Variants in PCDH15 observed in about 807,000 individuals in gnomAD.
PCDH15 encodes protocadherin-15.
Under a neutral mutation model 178.5 loss-of-function variants are expected in PCDH15, and 129 were observed. That is an observed-to-expected ratio of 0.72 (90% CI 0.63 to 0.84). The LOEUF (loss-of-function observed/expected upper bound fraction) is 0.84, where lower values mean the gene tolerates loss of function less well. Ranked by LOEUF, PCDH15 falls within the 40% of genes least tolerant of loss-of-function variation. The probability of loss-of-function intolerance (pLI) is 0.00; values close to 1 mark genes in which losing one functional copy is unlikely to be tolerated. For synonymous variants in PCDH15, 800 were observed against 732.0 expected (o/e 1.09, Z -1.50); for missense variants, 2,230 against 2,099.9 (o/e 1.06, Z -1.21).
At position 55,180,947 on chromosome 10, in the gene PCDH15, A is replaced by G. The variant is rs114420302; in HGVS notation, c.-155-14296T>C. 3.4e-3 allele frequency among the ~76,000 whole-genome samples: 512 copies of G among 152,200 alleles called. 3 individuals carry two copies. The highest frequency in any genetic ancestry group is 0.012 in the African/African-American group (496 of 41,544). ...AGAGGGGGAAAACTCAGAGAAAAAA[A>G]ACATATTTTTTTAATACTAAAAGAT... On this transcript the variant is annotated intron_variant, in intron 1 of 5. Coordinates refer to the PCDH15 transcript ENST00000458638.
intron 2 of PCDH15, among the ~76,000 whole-genome samples, chr10:55,582,628 A>ATATATATATATATATT (rs780312007): frequency 1.4e-4 from 10 of 69,042 alleles, no homozygotes; most frequent in African/African-American, 4.6e-4. Flanking sequence ...ATATATATAT[A>ATATATATATATATATT]TTTTTTTTTT....
chr10:55,125,729 GT>G (rs1043172324), intron 2 of PCDH15, among the ~76,000 whole-genome samples: 1 of 152,016 alleles, frequency 6.6e-6, no homozygotes, highest in Non-Finnish European at 1.5e-5. Flanking sequence ...AACAGCATCA[GT>G]TTTTTTGTTT....
intron 6 of PCDH15, among the ~76,000 whole-genome samples, chr10:54,331,258 C>T (rs1270351000): frequency 6.6e-6 from 1 of 151,496 alleles, no homozygotes; most frequent in African/African-American, 2.4e-5. Flanking sequence ...TGATCTGTCT[C>T]CTTTCTTTCT....
intron 18 of PCDH15, among the ~76,000 whole-genome samples, chr10:54,034,312 T>G (rs1357056771): frequency 6.6e-6 from 1 of 151,910 alleles, no homozygotes; most frequent in Non-Finnish European, 1.5e-5. Context: ...TTACACACAT[T>G]GTCACAATTT....
At chr10:55,500,578 A>G (rs1348818765) in intron 2 of PCDH15, among the ~76,000 whole-genome samples, 5 of 151,808 alleles carry the variant, frequency 3.3e-5, no homozygotes, top group African/African-American at 1.2e-4. Flanking sequence ...AGAGACCCAA[A>G]TTCTTCAGTT....
chr10:53,914,669 C>G (rs559439529), intron 25 of PCDH15, among the ~76,000 whole-genome samples: 1 of 152,026 alleles, frequency 6.6e-6, no homozygotes, highest in African/African-American at 2.4e-5. Flanking sequence ...ATGTAAATGT[C>G]GAGTTAATGG....
At chr10:55,464,267 A>G (rs1839780890) in intron 2 of PCDH15, among the ~76,000 whole-genome samples, 1 of 152,194 alleles carries the variant, frequency 6.6e-6, no homozygotes, top group African/African-American at 2.4e-5. Context: ...GCTGAGAAAC[A>G]TCATAAAGAT....
At chr10:53,985,650 T>G (rs557816560) in intron 21 of PCDH15, among the ~76,000 whole-genome samples, 11 of 152,036 alleles carry the variant, frequency 7.2e-5, no homozygotes, top group Admixed American at 4.6e-4. Flanking sequence ...CGAGAAAAGA[T>G]CAAGCAGGGA....
intron 18 of PCDH15, among the ~76,000 whole-genome samples, chr10:54,046,310 GGCACATGA>G (rs2093654399): frequency 6.6e-6 from 1 of 152,098 alleles, no homozygotes. Flanking sequence ...GAGAAACTCA[GGCACATGA>G]GCGCCAGGAG....
intron 1 of PCDH15, among the ~76,000 whole-genome samples, chr10:55,294,481 A>G (rs1249889512): frequency 6.6e-6 from 1 of 152,206 alleles, no homozygotes; most frequent in African/African-American, 2.4e-5. Context: ...TCTGAAGTAA[A>G]TGTTCTTGGT....
chr10:55,490,958 T>G (rs1565191598), intron 2 of PCDH15, among the ~76,000 whole-genome samples: 1 of 151,814 alleles, frequency 6.6e-6, no homozygotes, highest in Non-Finnish European at 1.5e-5. Flanking sequence ...ATTGATCCTA[T>G]TCTCAATAAT....
chr10:54,351,886 T>C (rs1299453132), intron 5 of PCDH15, among the ~76,000 whole-genome samples: 1 of 152,144 alleles, frequency 6.6e-6, no homozygotes, highest in African/African-American at 2.4e-5. Flanking sequence ...ATAACCATAA[T>C]AGGACCCAAT....
chr10:55,480,284 G>A (rs1465041459), intron 2 of PCDH15, among the ~76,000 whole-genome samples: 2 of 151,562 alleles, frequency 1.3e-5, no homozygotes, highest in Admixed American at 1.3e-4. Flanking sequence ...AACAGGAATA[G>A]CTTGACTTCC....
At chr10:55,478,908 T>C (rs1204533897) in intron 2 of PCDH15, among the ~76,000 whole-genome samples, 1 of 146,332 alleles carries the variant, frequency 6.8e-6, no homozygotes, top group Non-Finnish European at 1.5e-5. Context: ...CTTAGACACA[T>C]GTAATCTACC....
chr10:55,156,616 T>A (rs187193923), intron 2 of PCDH15, among the ~76,000 whole-genome samples: 1 of 152,276 alleles, frequency 6.6e-6, no homozygotes, highest in East Asian at 1.9e-4. Flanking sequence ...GACTCTCTTA[T>A]TAGAGAAGTA....
chr10:54,454,457 A>C (rs1565318404), intron 3 of PCDH15, among the ~76,000 whole-genome samples: 1 of 148,976 alleles, frequency 6.7e-6, no homozygotes, highest in Non-Finnish European at 1.5e-5. Flanking sequence ...ATTTTAATTA[A>C]TTTTTAATTA....
At chr10:54,062,248 A>AAAAAAAAAAAAAAAT (rs2094039380) in intron 18 of PCDH15, among the ~76,000 whole-genome samples, 1 of 119,928 alleles carries the variant, frequency 8.3e-6, no homozygotes, top group African/African-American at 3.8e-5. Context: ...AAAAAAAAAA[A>AAAAAAAAAAAAAAAT]AAAACAAAAA....
At chr10:53,825,114 T>C in intron 32 of PCDH15, 6 of 1,535,342 alleles carry the variant, frequency 3.9e-6, no homozygotes, top group Non-Finnish European at 5.3e-6. Context: ...GCTCTTCTAT[T>C]AGAGTGATAT....
chr10:54,981,571 A>G (rs1038173540), intron 2 of PCDH15, among the ~76,000 whole-genome samples: 1 of 152,186 alleles, frequency 6.6e-6, no homozygotes, highest in Non-Finnish European at 1.5e-5. Flanking sequence ...GCCAAGAGAT[A>G]ATAACGAAGA....
Sources: gnomAD v4.1 joint callset for allele counts (sites outside exome capture counted in the v4.1 genomes callset) on GRCh38, gnomAD v4.1.1 for gene constraint, MANE v1.5 for transcripts, NCBI Gene and HGNC (gene_info 2026-07-23, HGNC 2026-07-21) for gene names.